Variants in NT5DC3 observed in about 807,000 individuals in gnomAD.
NT5DC3 encodes 5'-nucleotidase domain containing 3, also known as 5'-nucleotidase domain-containing protein 3.
In NT5DC3, 42 loss-of-function variants were observed where a neutral mutation model predicts 67.8. The ratio of observed to expected loss-of-function variants is 0.62; its 90% CI spans 0.48 to 0.80. The LOEUF (loss-of-function observed/expected upper bound fraction) is 0.80, where lower values mean the gene tolerates loss of function less well. NT5DC3 is among the 30% of genes least tolerant of loss of function. The pLI, the probability that NT5DC3 is intolerant of heterozygous loss-of-function variation, is 0.00. For missense variants in NT5DC3, 570 were observed against 696.4 expected, an observed-to-expected ratio of 0.82 and a Z score of 2.04; for synonymous variants, 237 against 255.6, an observed-to-expected ratio of 0.93 and a Z score of 0.69.
intron 1 of NT5DC3, among the ~76,000 whole-genome samples, chr12:103,840,628 G>A (rs1001100469): frequency 6.6e-6 from 1 of 152,124 alleles, no homozygotes; most frequent in Non-Finnish European, 1.5e-5. Flanking sequence ...CCCAAGGGAG[G>A]CCTGAGGAAC....
chr12:103,789,814 C>A (rs1397329265), intron 9 of NT5DC3, among the ~76,000 whole-genome samples: 2 of 152,064 alleles, frequency 1.3e-5, no homozygotes, highest in African/African-American at 4.8e-5. Context: ...AAATAAGTGT[C>A]ACCCTAAAAA....
At chr12:103,819,223 C>T (rs960000935) in intron 1 of NT5DC3, among the ~76,000 whole-genome samples, 1 of 152,214 alleles carries the variant, frequency 6.6e-6, no homozygotes, top group African/African-American at 2.4e-5. Flanking sequence ...GTGTCATCCT[C>T]GAACACGAGG....
chr12:103,830,539 T>G (rs754612654), intron 1 of NT5DC3, among the ~76,000 whole-genome samples: 2 of 152,234 alleles, frequency 1.3e-5, no homozygotes, highest in Admixed American at 6.5e-5. Flanking sequence ...TATCAGTCTG[T>G]CAACTGTTTT....
At chr12:103,793,793 C>T (rs538877809) in intron 7 of NT5DC3, 144 bp downstream of exon 7, 8 of 681,894 alleles carry the variant, frequency 1.2e-5, no homozygotes, top group South Asian at 5.4e-5. Context: ...AAAGAGGAGA[C>T]GGCTAACATG....
At chr12:103,752,173 G>T in the NT5DC3 span, among the ~76,000 whole-genome samples, 2 of 151,990 alleles carry the variant, frequency 1.3e-5, no homozygotes, top group Non-Finnish European at 2.9e-5. Flanking sequence ...TAACATCACA[G>T]AAAATTAGAA....
At chr12:103,752,136 G>C in the NT5DC3 span, among the ~76,000 whole-genome samples, 2 of 152,094 alleles carry the variant, frequency 1.3e-5, no homozygotes, top group Admixed American at 1.3e-4. Context: ...ATTGAAAAAA[G>C]ATAAGCATAC....
chr12:103,766,046 G>T, downstream of NT5DC3: 1 of 660,076 alleles, frequency 1.5e-6, no homozygotes, highest in Non-Finnish European at 2.8e-6. Flanking sequence ...AACTGCAGCC[G>T]AGTTGGGATG....
At chr12:103,791,496 C>A (rs1210994746) in intron 9 of NT5DC3, among the ~76,000 whole-genome samples, 2 of 152,158 alleles carry the variant, frequency 1.3e-5, no homozygotes, top group Admixed American at 1.3e-4. Context: ...TTTTATGATA[C>A]TCCCCAAGAC....
the NT5DC3 span, among the ~76,000 whole-genome samples, chr12:103,757,766 G>A: frequency 6.6e-6 from 1 of 152,358 alleles, no homozygotes; most frequent in East Asian, 1.9e-4. Context: ...GTGAGCAAGA[G>A]AGGACAAGCT....
At chr12:103,750,789 G>C in the NT5DC3 span, 1 of 1,510,240 alleles carries the variant, frequency 6.6e-7, no homozygotes, top group Non-Finnish European at 8.9e-7. Flanking sequence ...ACCCTCAAGG[G>C]AAAGAAGAAA....
rs1005187055 is a variant in NT5DC3, at chr12:103,799,920, C to T, written c.525-1243G>A. ...CCTGGACTCATCCACTCTCAAGCGT[C>T]AGGAGGGGAAACACCTGCTCCTCCA... On this transcript the variant is annotated intron_variant, in intron 4 of 13. Coordinates refer to ENST00000392876, the MANE Select transcript of NT5DC3 (RefSeq NM_001031701.3). Among the ~76,000 whole-genome samples the T allele has an allele frequency of 2.0e-5, 3 of 152,138 alleles. No individual in the cohort carries two copies. The South Asian group carries it at 6.2e-4, about 32-fold the overall frequency.
the NT5DC3 span, chr12:103,759,178 A>C: frequency 1.4e-5 from 22 of 1,614,046 alleles, no homozygotes; most frequent in Non-Finnish European, 1.6e-5. Flanking sequence ...CAATGTCAGC[A>C]TGTTTTTCTA....
chr12:103,832,707 C>A (rs997181046), intron 1 of NT5DC3, among the ~76,000 whole-genome samples: 1 of 152,118 alleles, frequency 6.6e-6, no homozygotes, highest in Non-Finnish European at 1.5e-5. Flanking sequence ...GGCTTCTTGA[C>A]CCAGCAGCAA....
At chr12:103,765,178 T>C in the NT5DC3 span, among the ~76,000 whole-genome samples, 1 of 151,678 alleles carries the variant, frequency 6.6e-6, no homozygotes, top group African/African-American at 2.4e-5. Context: ...ATCACCTTCA[T>C]TTAAAAAGCA....
intron 1 of NT5DC3, among the ~76,000 whole-genome samples, chr12:103,825,763 G>C (rs769485828): frequency 2.8e-4 from 42 of 152,240 alleles, no homozygotes; most frequent in Admixed American, 8.5e-4. Flanking sequence ...AACAGAGCAA[G>C]ACCCTATCGA....
chr12:103,763,260 C>A, the NT5DC3 span: 1 of 524,668 alleles, frequency 1.9e-6, no homozygotes, highest in Non-Finnish European at 3.4e-6. Flanking sequence ...TATGGAAATG[C>A]CCTATGTGCC....
chr12:103,819,488 C>T (rs916743271), intron 1 of NT5DC3: 1 of 152,220 alleles, frequency 6.6e-6, no homozygotes, highest in Non-Finnish European at 1.5e-5. Flanking sequence ...TGGATGATGA[C>T]AGCAAGACTA....
Position 103,806,313 on chromosome 12 carries a change from T to C in NT5DC3, c.524+9A>G, listed in dbSNP as rs1456497202. On this transcript the variant is annotated intron_variant, in intron 4 of 13. Coordinates refer to ENST00000392876, the MANE Select transcript of NT5DC3 (RefSeq NM_001031701.3). ...CACGTAAATTAAATGTATCTCCTCTTACTCTTACCTGTAGACAGTTCCCAG... is the reference window on the plus strand; with the variant it reads ...CACGTAAATTAAATGTATCTCCTCTCACTCTTACCTGTAGACAGTTCCCAG... 2 of 1,581,836 alleles carry C rather than the reference T, an allele frequency of 1.3e-6. No homozygotes were observed. The highest frequency in any genetic ancestry group is 1.7e-6 in the Non-Finnish European group (2 of 1,150,784).
At chr12:103,800,761 C>G (rs542579284) in intron 4 of NT5DC3, among the ~76,000 whole-genome samples, 1 of 152,232 alleles carries the variant, frequency 6.6e-6, no homozygotes, top group Admixed American at 6.5e-5. Flanking sequence ...ATGAGAAACA[C>G]GAGGTTAGGA....
Sources: allele counts gnomAD v4.1 joint callset (sites outside exome capture counted in the v4.1 genomes callset), GRCh38; gene constraint gnomAD v4.1.1; transcripts MANE v1.5; gene names NCBI Gene and HGNC (gene_info 2026-07-23, HGNC 2026-07-21).